ACACB: variants seen among roughly 807,000 people sequenced by gnomAD.
ACACB encodes acetyl-CoA carboxylase beta, also known as acetyl-CoA carboxylase 2.
Under a neutral mutation model 278.8 loss-of-function variants are expected in ACACB, and 209 were observed. The ratio of observed to expected loss-of-function variants is 0.75; its 90% CI spans 0.67 to 0.84. The LOEUF is 0.84. Ranked by LOEUF, ACACB falls within the 40% of genes least tolerant of loss-of-function variation. The probability of loss-of-function intolerance (pLI) is 0.00; values close to 1 mark genes in which losing one functional copy is unlikely to be tolerated. For missense variants in ACACB, 2,850 were observed against 3,269.0 expected (o/e 0.87, Z 3.13); for synonymous variants, 1,174 against 1,285.6 (o/e 0.91, Z 1.86).
chr12:109,234,320 A>C (rs2046569469), intron 31 of ACACB, among the ~76,000 whole-genome samples: 1 of 152,168 alleles, frequency 6.6e-6, no homozygotes, highest in Admixed American at 6.6e-5. Context: ...GGCACACCCA[A>C]TAAATAGTTT....
chr12:109,197,168 G>C lies in ACACB; in HGVS notation c.2627+15G>C. The C allele has an allele frequency of 6.3e-7, 1 of 1,597,312 alleles. No homozygotes were observed. ...GAGGTTGACAGGTGCGTGGGGGTGC[G>C]AGTCCCACTGTGGGCTGGGCATGCA... On this transcript the variant is annotated intron_variant, in intron 17 of 52. Transcript: ENST00000338432.
intron 33 of ACACB, chr12:109,236,056 C>T (rs2046624794): frequency 6.0e-6 from 1 of 165,728 alleles, no homozygotes; most frequent in Non-Finnish European, 1.3e-5. Flanking sequence ...TGGACTCGAA[C>T]TTATGGCTCA....
rs776895831 is a variant in ACACB at position 109,180,071 on chromosome 12, C to T, written c.1802C>T (p.Pro601Leu). ...GAAATGATTGCTGATGTTAATCTGC[C>T]GGCCGCCCAGCTACAGGTGAGAAAA... is the stretch of plus-strand genomic sequence containing the variant. ...CTEMIADVNL[P>L]AAQLQIAMGV... The change falls in exon 11 of 53, where the codon CCG becomes CTG. Residue 601 changes from proline (P) to leucine (L), a missense_variant. Physicochemically the swap from Pro to Leu is moderately conservative, Grantham distance 98. This residue lies in a region of ACACB where 2,265 missense variants were observed against 2,561.3 expected (regional missense o/e 0.88). Coordinates refer to ENST00000338432, the MANE Select transcript of ACACB (RefSeq NM_001093.4). 22 of 1,611,022 alleles carry T rather than the reference C, an allele frequency of 1.4e-5. No homozygotes were observed. Among genetic ancestry groups the T allele is most frequent in the African/African-American group, 5.3e-5 (4 of 74,834 alleles).
At position 109,206,752 on chromosome 12, in the gene ACACB, C is replaced by A. The variant is rs536491553; in HGVS notation, c.2956C>A (p.Pro986Thr). 3 of 1,614,014 alleles carry A rather than the reference C, an allele frequency of 1.9e-6. No individual in the cohort carries two copies. Among genetic ancestry groups the A allele is most frequent in the Non-Finnish European group, 2.5e-6 (3 of 1,180,042 alleles). Reference protein sequence around the residue: ...TGELPAQQTLPILGEKLHQVF... With the variant: ...TGELPAQQTLTILGEKLHQVF... Reference sequence around the variant, plus strand: ...AGAACTCCCTGCCCAGCAGACACTGCCCATCCTCGGAGAGAAACTGCACCA... The same window carrying A: ...AGAACTCCCTGCCCAGCAGACACTGACCATCCTCGGAGAGAAACTGCACCA... Residue 986 changes from proline to threonine, a missense_variant, in exon 20 of 53, where the codon CCC becomes ACC. Around this residue, in one of 3 missense-constraint regions of ACACB, gnomAD observed 2,265 missense variants for 2,561.3 expected, o/e 0.88. Coordinates refer to ENST00000338432, the MANE Select transcript of ACACB (RefSeq NM_001093.4).
chr12:109,146,898 C>T (rs2043256096), intron 2 of ACACB, among the ~76,000 whole-genome samples: 1 of 152,078 alleles, frequency 6.6e-6, no homozygotes. Context: ...TGGTCGGAAT[C>T]TCATGAGCTC....
intron 3 of ACACB, among the ~76,000 whole-genome samples, chr12:109,167,635 A>G (rs1219991025): frequency 7.7e-6 from 1 of 130,312 alleles, no homozygotes; most frequent in Non-Finnish European, 1.6e-5. Context: ...ATATATATAT[A>G]TATATATATA....
chr12:109,124,184 G>A (rs2042621991), intron 1 of ACACB, among the ~76,000 whole-genome samples: 1 of 152,020 alleles, frequency 6.6e-6, no homozygotes. Flanking sequence ...GCTCAAAGAT[G>A]TCTTTGAATG....
Position 109,179,276 on chromosome 12 carries a change from CA to C in ACACB, c.1627del (p.Ile543TyrfsTer19). Reference sequence around the variant, plus strand: ...CACCGGCCACCATCGCCCCGCTGGCCATATTCGAGTTCATGGAGCAGGTACA... The same window carrying C: ...CACCGGCCACCATCGCCCCGCTGGCCTATTCGAGTTCATGGAGCAGGTACA... ...EAPATIAPLAIFEFMEQCAIR... is the reference protein window; with the variant it reads ...EAPATIAPLAXFEFMEQCAIR... On this transcript the variant is annotated frameshift_variant, in exon 10 of 53. Coordinates refer to ENST00000338432, the MANE Select transcript of ACACB (RefSeq NM_001093.4). LOFTEE classifies it high-confidence loss of function. 6.2e-7 allele frequency: 1 copy of C among 1,613,742 alleles called. No homozygotes were observed. Among genetic ancestry groups the C allele is most frequent in the Non-Finnish European group, 8.5e-7 (1 of 1,179,954 alleles).
At chr12:109,182,879 T>G (rs1472265175) in intron 11 of ACACB, among the ~76,000 whole-genome samples, 1 of 152,234 alleles carries the variant, frequency 6.6e-6, no homozygotes, top group African/African-American at 2.4e-5. Flanking sequence ...TTGCCCAGAC[T>G]GATGTTCCTG....
intron 19 of ACACB, among the ~76,000 whole-genome samples, chr12:109,203,816 T>G (rs954263609): frequency 2.6e-5 from 4 of 152,212 alleles, no homozygotes; most frequent in African/African-American, 9.6e-5. Flanking sequence ...CTACTTTCGA[T>G]GTCCACTGTT....
At position 109,246,793 on chromosome 12, in the gene ACACB, A is replaced by G. The variant is rs145182009; in HGVS notation, c.5571+345A>G. On this transcript the variant is annotated intron_variant, in intron 39 of 52. Transcript: ENST00000338432. ...CTCCCTGGCCTCATAGCGTTCTTAG[A>G]ATTATGGCTCACACCTGTCATCCCA... Among the ~76,000 whole-genome samples the G allele has an allele frequency of 1.7e-3, 260 of 152,242 alleles. 1 individual carries two copies. The highest frequency in any genetic ancestry group is 4.5e-3 in the African/African-American group (186 of 41,536).
At chr12:109,111,292 CG>C in the ACACB span, 1 of 152,330 alleles carries the variant, frequency 6.6e-6, no homozygotes, top group East Asian at 1.9e-4. Flanking sequence ...GGCATTTCTT[CG>C]GGGAACATGG....
At chr12:109,179,338 C>A (rs1276797014) in intron 10 of ACACB, 41 bp downstream of exon 10, 1 of 1,583,142 alleles carries the variant, frequency 6.3e-7, no homozygotes, top group Non-Finnish European at 8.6e-7. Flanking sequence ...CAGAGAGAGC[C>A]GTCTCAGCTC....
intron 12 of ACACB, among the ~76,000 whole-genome samples, chr12:109,186,666 TG>T (rs959975396): frequency 2.6e-5 from 4 of 152,128 alleles, no homozygotes; most frequent in African/African-American, 7.2e-5. Context: ...CTCAGGAAAC[TG>T]GGGGTAAGAG....
chr12:109,264,498 A>C, intron 50 of ACACB, 112 bp downstream of exon 50: 1 of 1,370,728 alleles, frequency 7.3e-7, no homozygotes, highest in African/African-American at 1.4e-5. Flanking sequence ...GATGGGTCAA[A>C]TGCTGCAGGA....
rs776077835 is a variant in ACACB, at chr12:109,139,821, C to T, written c.416C>T (p.Pro139Leu). 6.2e-7 allele frequency: 1 copy of T among 1,614,152 alleles called. No homozygotes were observed. Among genetic ancestry groups the T allele is most frequent in the South Asian group, 1.1e-5 (1 of 91,070 alleles). Residue 139 changes from proline (P) to leucine (L), a missense_variant, in exon 2 of 53, where the codon CCC (proline) becomes CTC (leucine). Around this residue, in one of 3 missense-constraint regions of ACACB, gnomAD observed 2,265 missense variants for 2,561.3 expected, o/e 0.88. Coordinates refer to ENST00000338432, the MANE Select transcript of ACACB (RefSeq NM_001093.4). ...AATGGCCTGTCCTCCTCAGCCAGGC[C>T]CCAGGGCCAGCAAGCTGGCTCCCCC... is the stretch of plus-strand genomic sequence containing the variant. ...DTNGLSSSAR[P>L]QGQQAGSPSK...
chr12:109,228,109 G>A (rs1168750584), intron 28 of ACACB, among the ~76,000 whole-genome samples: 1 of 151,584 alleles, frequency 6.6e-6, no homozygotes, highest in Admixed American at 6.6e-5. Context: ...AGGCTGAGGT[G>A]GGTGGATCAC....
At chr12:109,257,871 C>G (rs1458804567) in intron 45 of ACACB, among the ~76,000 whole-genome samples, 2 of 152,186 alleles carry the variant, frequency 1.3e-5, no homozygotes, top group Non-Finnish European at 2.9e-5. Context: ...ATGCCCGGCT[C>G]CTTCAGTTTA....
intron 13 of ACACB, 24 bp from the exon 14 acceptor site, chr12:109,191,589 G>A: frequency 6.2e-7 from 1 of 1,612,884 alleles, no homozygotes; most frequent in Non-Finnish European, 8.5e-7. Context: ...TTTGGAAAAT[G>A]ATCCATGTGC....
Sources: gnomAD v4.1 joint callset for allele counts (sites outside exome capture counted in the v4.1 genomes callset) on GRCh38, gnomAD v4.1.1 for gene constraint, gnomAD v4.1.1 regional missense constraint, MANE v1.5 for transcripts, NCBI Gene and HGNC (gene_info 2026-07-23, HGNC 2026-07-21) for gene names.